The following KCNN3 variants were observed in gnomAD, a reference collection of about 807,000 sequenced individuals.
KCNN3 encodes the protein small conductance calcium-activated potassium channel protein 3.
A neutral mutation model predicts 62.9 loss-of-function variants in KCNN3; 16 were observed. The ratio of observed to expected loss-of-function variants is 0.25; its 90% CI spans 0.17 to 0.39. The LOEUF is 0.39. KCNN3 is among the 10% of genes least tolerant of loss of function. The pLI is 1.00. For missense variants in KCNN3, 599 were observed against 949.4 expected (o/e 0.63, Z 4.85); for synonymous variants, 370 against 389.2 (o/e 0.95, Z 0.58).
Position 154,698,320 on chromosome 1 carries a change from T to C in KCNN3, c.*9656A>G, listed in dbSNP as rs1364792768. On this transcript the variant is annotated 3_prime_UTR_variant, in exon 8 of 8. Transcript: ENST00000271915. ...GCTGCCAAGCCTTCCTACTCACAAT[T>C]CCACAAATGTGCCTGCAGCTGTGAG... 1.3e-5 allele frequency: 2 copies of C among 152,278 alleles called. No individual in the cohort carries two copies. Among genetic ancestry groups the C allele is most frequent in the Non-Finnish European group, 2.9e-5 (2 of 68,022 alleles). 9.4% of individuals were successfully genotyped at this position (152,278 alleles called of 1,614,324 possible).
chr1:154,850,591 G>A (rs773356812), intron 1 of KCNN3, among the ~76,000 whole-genome samples: 4 of 152,194 alleles, frequency 2.6e-5, no homozygotes, highest in Non-Finnish European at 5.9e-5. Flanking sequence ...TTGGCGACAT[G>A]GTTGGTGCAC....
At chr1:154,848,414 T>C (rs1652170477) in intron 1 of KCNN3, among the ~76,000 whole-genome samples, 1 of 152,164 alleles carries the variant, frequency 6.6e-6, no homozygotes, top group African/African-American at 2.4e-5. Flanking sequence ...GCAGTAACAC[T>C]GCTTCCAGCT....
At position 154,869,740 on chromosome 1, in the gene KCNN3, C is replaced by CTGCTGCTGCTGCTGCTGA. The variant is rs1457236819; in HGVS notation, c.224_225insTCAGCAGCAGCAGCAGCA (p.Gln74_Gln75insHisGlnGlnGlnGlnGln). 2.0e-6 allele frequency: 3 copies of CTGCTGCTGCTGCTGCTGA among 1,528,310 alleles called. No homozygotes were observed. The highest frequency in any genetic ancestry group is 1.8e-6 in the Non-Finnish European group (2 of 1,132,224). The allele number at this position is 1,528,310 out of a possible 1,614,324, so 94.7% of individuals were successfully genotyped here. ...GATGCGGTGGCTGCTGCTGCTGCTG[C>CTGCTGCTGCTGCTGCTGA]TGCTGCTGCTGCTGCTGCTGCTGCT... On this transcript the variant is annotated inframe_insertion, in exon 1 of 8. Transcript: ENST00000271915. The surrounding 1 kb of genome is among the most constrained non-coding windows in gnomAD (Gnocchi z 6.1).
intron 3 of KCNN3, among the ~76,000 whole-genome samples, chr1:154,763,367 T>G (rs1437895905): frequency 1.3e-5 from 2 of 152,170 alleles, no homozygotes; most frequent in African/African-American, 4.8e-5. Flanking sequence ...CTGTTCATTT[T>G]TTTCTGTTTT....
intron 3 of KCNN3, among the ~76,000 whole-genome samples, chr1:154,737,841 G>A (rs756782172): frequency 3.3e-5 from 5 of 152,202 alleles, no homozygotes; most frequent in South Asian, 2.1e-4. Context: ...AGGATTGCTC[G>A]TGCCCAGGAG....
At chr1:154,848,588 G>A (rs1652178683) in intron 1 of KCNN3, among the ~76,000 whole-genome samples, 1 of 152,104 alleles carries the variant, frequency 6.6e-6, no homozygotes, top group African/African-American at 2.4e-5. Context: ...GGGGCTCCAT[G>A]TCCCTCTCCA....
intron 2 of KCNN3, among the ~76,000 whole-genome samples, chr1:154,773,266 C>T (rs1045787951): frequency 6.6e-6 from 1 of 152,174 alleles, no homozygotes; most frequent in Non-Finnish European, 1.5e-5. Context: ...TGTTGCGTGC[C>T]CAGAGAGGGC....
chr1:154,868,230 C>T, intron 1 of KCNN3: 4 of 985,524 alleles, frequency 4.1e-6, no homozygotes, highest in Non-Finnish European at 4.8e-6. Context: ...GATTCCAAGG[C>T]GGCGCCCAGC....
chr1:154,782,238 T>C (rs1649082363), intron 2 of KCNN3, among the ~76,000 whole-genome samples: 1 of 152,228 alleles, frequency 6.6e-6, no homozygotes, highest in South Asian at 2.1e-4. Flanking sequence ...ACCAGGGCCA[T>C]GTGCACCATG....
intron 2 of KCNN3, among the ~76,000 whole-genome samples, chr1:154,781,518 A>G (rs1266810265): frequency 1.3e-5 from 2 of 152,214 alleles, no homozygotes; most frequent in Non-Finnish European, 2.9e-5. Flanking sequence ...AGAACATTCA[A>G]AGATCAACTC....
intron 2 of KCNN3, among the ~76,000 whole-genome samples, chr1:154,815,906 C>T (rs943212700): frequency 6.6e-6 from 1 of 152,152 alleles, no homozygotes; most frequent in Non-Finnish European, 1.5e-5. Context: ...CCCCAAAGCA[C>T]CTGGGCCAGC....
rs144940463 is a variant in KCNN3 at position 154,727,486 on chromosome 1, C to A, written c.1591-1460G>T. 2.2e-3 allele frequency among the ~76,000 whole-genome samples: 333 copies of A among 152,324 alleles called. 2 individuals carry two copies. Among genetic ancestry groups the A allele is most frequent in the African/African-American group, 7.4e-3 (309 of 41,582 alleles). ...TATCCCACAGGCTGACAAAGGCTAG[C>A]CTGTGTGAAGTTTCAATGTGGTTGA... On this transcript the variant is annotated intron_variant, in intron 4 of 7. Transcript: ENST00000271915.
intron 2 of KCNN3, among the ~76,000 whole-genome samples, chr1:154,797,768 T>C (rs1649792520): frequency 6.6e-6 from 1 of 152,266 alleles, no homozygotes. Context: ...GGAGGAATTC[T>C]GATCAGTGTG....
chr1:154,806,617 C>T (rs975263180), intron 2 of KCNN3, among the ~76,000 whole-genome samples: 1 of 152,184 alleles, frequency 6.6e-6, no homozygotes, highest in Non-Finnish European at 1.5e-5. Context: ...CTAATTAATA[C>T]TGCAGTCATT....
chr1:154,763,402 A>G (rs1263674669), intron 3 of KCNN3, among the ~76,000 whole-genome samples: 1 of 152,000 alleles, frequency 6.6e-6, no homozygotes, highest in African/African-American at 2.4e-5. Flanking sequence ...GGGTCTCCCT[A>G]TGTTGCCCAG....
intron 2 of KCNN3, among the ~76,000 whole-genome samples, chr1:154,801,137 G>T (rs1010153676): frequency 9.8e-5 from 2 of 20,380 alleles, no homozygotes; most frequent in African/African-American, 1.5e-4. Flanking sequence ...GAAAGGAGGT[G>T]GGGGGGAGAG....
At chr1:154,708,783 A>T (rs1237089233) in intron 7 of KCNN3, among the ~76,000 whole-genome samples, 1 of 152,128 alleles carries the variant, frequency 6.6e-6, no homozygotes, top group Non-Finnish European at 1.5e-5. Context: ...TGGAGTTAAT[A>T]ATAACTGTAC....
chr1:154,791,055 C>A (rs552975511), intron 2 of KCNN3, among the ~76,000 whole-genome samples: 1 of 151,896 alleles, frequency 6.6e-6, no homozygotes, highest in Admixed American at 6.5e-5. Flanking sequence ...ATGGTAAAAC[C>A]CCATCTCTAC....
intron 5 of KCNN3, among the ~76,000 whole-genome samples, chr1:154,718,930 C>T (rs1276046476): frequency 6.6e-6 from 1 of 152,190 alleles, no homozygotes; most frequent in East Asian, 1.9e-4. Context: ...CCTCTAACTT[C>T]CCCAGCCAGC....
Sources: allele counts gnomAD v4.1 joint callset (sites outside exome capture counted in the v4.1 genomes callset), GRCh38; gene constraint gnomAD v4.1.1; non-coding constraint Gnocchi (gnomAD v3.1); transcripts MANE v1.5; gene names NCBI Gene and HGNC (gene_info 2026-07-23, HGNC 2026-07-21).